Variants in GNA12 observed in about 807,000 individuals in gnomAD.
GNA12 encodes guanine nucleotide-binding protein subunit alpha-12.
A neutral mutation model predicts 26.0 loss-of-function variants in GNA12; 9 were observed. The ratio of observed to expected loss-of-function variants is 0.35; its 90% CI spans 0.21 to 0.60. The LOEUF is 0.60. Among genes scored for constraint, GNA12 ranks in the 20% least tolerant of loss-of-function variants. GNA12 has a pLI of 0.78. For missense variants in GNA12, 405 were observed against 525.8 expected, an observed-to-expected ratio of 0.77 and a Z score of 2.25; for synonymous variants, 264 against 219.6, an observed-to-expected ratio of 1.20 and a Z score of -1.79.
chr7:2,754,300 A>C (rs1791185308), intron 2 of GNA12, among the ~76,000 whole-genome samples: 1 of 151,938 alleles, frequency 6.6e-6, no homozygotes, highest in Admixed American at 6.6e-5. Flanking sequence ...AAATCACTTC[A>C]TATGTTTTGT....
intron 2 of GNA12, among the ~76,000 whole-genome samples, chr7:2,788,515 G>T (rs770573168): frequency 4.6e-5 from 7 of 152,220 alleles, no homozygotes; most frequent in Non-Finnish European, 1.0e-4. Flanking sequence ...GTTACTACAT[G>T]TAATTGACTG....
At chr7:2,778,107 A>G (rs1418159052) in intron 2 of GNA12, among the ~76,000 whole-genome samples, 1 of 152,124 alleles carries the variant, frequency 6.6e-6, no homozygotes, top group Non-Finnish European at 1.5e-5. Context: ...TTTTCCAAAG[A>G]CTCGCTGGGA....
At chr7:2,738,823 GTTT>G (rs1319838784) in intron 2 of GNA12, among the ~76,000 whole-genome samples, 1 of 152,182 alleles carries the variant, frequency 6.6e-6, no homozygotes, top group Non-Finnish European at 1.5e-5. Flanking sequence ...GCCTCCTCCT[GTTT>G]TTTATTTTGT....
chr7:2,810,751 G>T (rs1583300202), intron 1 of GNA12, among the ~76,000 whole-genome samples: 1 of 152,080 alleles, frequency 6.6e-6, no homozygotes, highest in Admixed American at 6.6e-5. Context: ...AATTAGGTGG[G>T]TATGAGCATG....
intron 2 of GNA12, among the ~76,000 whole-genome samples, chr7:2,785,659 C>A (rs1792340352): frequency 6.8e-6 from 1 of 146,440 alleles, no homozygotes; most frequent in Non-Finnish European, 1.5e-5. Flanking sequence ...CATATACACA[C>A]ACATTTTTCT....
At chr7:2,734,325 A>T (rs1386420998) in intron 2 of GNA12, among the ~76,000 whole-genome samples, 1 of 152,168 alleles carries the variant, frequency 6.6e-6, no homozygotes, top group East Asian at 1.9e-4. Context: ...AAAACCAATT[A>T]TACCACTTTC....
intron 2 of GNA12, among the ~76,000 whole-genome samples, chr7:2,790,901 G>C (rs1368718117): frequency 6.6e-6 from 1 of 151,876 alleles, no homozygotes; most frequent in African/African-American, 2.4e-5. Flanking sequence ...CTGAGCCCAG[G>C]AGATCCAGGC....
At chr7:2,753,830 T>G (rs536431971) in intron 2 of GNA12, among the ~76,000 whole-genome samples, 1 of 152,204 alleles carries the variant, frequency 6.6e-6, no homozygotes, top group Non-Finnish European at 1.5e-5. Flanking sequence ...TGGGATATCT[T>G]TTTCTTCTGG....
At chr7:2,832,520 T>A (rs1330032732) in intron 1 of GNA12, among the ~76,000 whole-genome samples, 3 of 152,180 alleles carry the variant, frequency 2.0e-5, no homozygotes, top group African/African-American at 7.2e-5. Flanking sequence ...GACGAGAGAA[T>A]TAGCACAGAT....
intron 1 of GNA12, among the ~76,000 whole-genome samples, chr7:2,835,216 C>G (rs1778800640): frequency 1.3e-5 from 2 of 152,184 alleles, no homozygotes; most frequent in African/African-American, 2.4e-5. Context: ...TAAATCTAAG[C>G]TGGCCTGATG....
intron 2 of GNA12, among the ~76,000 whole-genome samples, chr7:2,759,101 T>C (rs867563898): frequency 9.3e-5 from 14 of 150,644 alleles, no homozygotes; most frequent in South Asian, 8.3e-4. Context: ...GATTACACCA[T>C]TGCACTCAGC....
chr7:2,763,897 T>G (rs903707722), intron 2 of GNA12, among the ~76,000 whole-genome samples: 7 of 152,210 alleles, frequency 4.6e-5, no homozygotes, highest in Admixed American at 3.3e-4. Flanking sequence ...GGAGCTCAGC[T>G]GAGCTGTTGC....
At chr7:2,754,111 C>T (rs2115372071) in intron 2 of GNA12, among the ~76,000 whole-genome samples, 1 of 152,328 alleles carries the variant, frequency 6.6e-6, no homozygotes, top group East Asian at 1.9e-4. Context: ...CCCAGCTTCT[C>T]AGTATCCTCA....
intron 1 of GNA12, among the ~76,000 whole-genome samples, chr7:2,842,771 T>C (rs1469560575): frequency 6.6e-6 from 1 of 152,220 alleles, no homozygotes; most frequent in Non-Finnish European, 1.5e-5. Context: ...ATGTTTAGGT[T>C]TGCTAATGGT....
chr7:2,790,969 C>A (rs1290293519), intron 2 of GNA12, among the ~76,000 whole-genome samples: 5 of 143,662 alleles, frequency 3.5e-5, no homozygotes, highest in African/African-American at 1.3e-4. Flanking sequence ...GCAAGATTGT[C>A]CCTTTAAAAA....
intron 1 of GNA12, among the ~76,000 whole-genome samples, chr7:2,822,730 T>G (rs1327234444): frequency 6.6e-6 from 1 of 152,186 alleles, no homozygotes; most frequent in Non-Finnish European, 1.5e-5. Flanking sequence ...GAGGATCACT[T>G]GAGTCCAGAA....
Position 2,728,851 on chromosome 7 carries a change from G to T in GNA12, c.*2330C>A. The stretch of plus-strand genomic sequence containing the variant: ...AATTCACCCCGGTCATGAGGAGGAG[G>T]AGGAGGAAGTCCAGCTCAGCAAGGC... On this transcript the variant is annotated 3_prime_UTR_variant, in exon 4 of 4. Coordinates refer to ENST00000275364, the MANE Select transcript of GNA12 (RefSeq NM_007353.3). 6.6e-6 allele frequency: 1 copy of T among 152,454 alleles called. No individual in the cohort carries two copies. The highest frequency in any genetic ancestry group is 1.5e-5 in the Non-Finnish European group (1 of 68,082). The allele number at this position is 152,454 out of a possible 1,614,324, so 9.4% of individuals were successfully genotyped here. A position where few individuals can be genotyped will look rare whatever the true frequency, so the allele number is the denominator to read the frequency against.
At position 2,819,100 on chromosome 7, in the gene GNA12, A is replaced by G. The variant is rs140917717; in HGVS notation, c.310-23957T>C. Reference sequence around the variant, plus strand: ...CACCAGTCCTTACAAGCAGATGTGGAAGGTGGAAAAGTCTGGCAGGTTCCT... The same window carrying G: ...CACCAGTCCTTACAAGCAGATGTGGGAGGTGGAAAAGTCTGGCAGGTTCCT... On this transcript the variant is annotated intron_variant, in intron 1 of 3. Coordinates refer to ENST00000275364, the MANE Select transcript of GNA12 (RefSeq NM_007353.3). Among the ~76,000 whole-genome samples the G allele has an allele frequency of 7.9e-5, 12 of 152,230 alleles. No homozygotes were observed. In the East Asian group the frequency reaches 1.7e-3, roughly 22 times the overall value.
At chr7:2,736,358 C>A (rs1316796156) in intron 2 of GNA12, among the ~76,000 whole-genome samples, 1 of 152,170 alleles carries the variant, frequency 6.6e-6, no homozygotes, top group Non-Finnish European at 1.5e-5. Context: ...AAGATTAACA[C>A]AAACTTGGAC....
Sources: gnomAD v4.1 joint callset for allele counts (sites outside exome capture counted in the v4.1 genomes callset) on GRCh38, gnomAD v4.1.1 for gene constraint, MANE v1.5 for transcripts, NCBI Gene and HGNC (gene_info 2026-07-23, HGNC 2026-07-21) for gene names.